Variants in RNF125 observed in about 807,000 individuals in gnomAD.
The protein encoded by RNF125 is ring finger protein 125.
RNF125 carries 21 observed loss-of-function variants against 26.0 expected under a neutral mutation model. That is an observed-to-expected ratio of 0.81 (90% CI 0.57 to 1.16). RNF125 has a LOEUF of 1.16. Ranked by LOEUF, RNF125 falls within the 50% of genes most tolerant of loss-of-function variation. The pLI is 0.00. For synonymous variants in RNF125, 95 were observed against 109.2 expected, an observed-to-expected ratio of 0.87 and a Z score of 0.81; for missense variants, 270 against 299.4, an observed-to-expected ratio of 0.90 and a Z score of 0.72.
At chr18:32,050,819 T>C (rs1196855362) in intron 4 of RNF125, among the ~76,000 whole-genome samples, 2 of 148,422 alleles carry the variant, frequency 1.3e-5, no homozygotes, top group East Asian at 4.0e-4. Context: ...AGGGAAGATG[T>C]TTTAGCAAGA....
At chr18:32,073,817 GAGAAGATTTACCTTCATC>G (rs1294027534), downstream of RNF125, among the ~76,000 whole-genome samples, 1 of 152,212 alleles carries the variant, frequency 6.6e-6, no homozygotes, top group African/African-American at 2.4e-5. Flanking sequence ...CAGATCAGTT[GAGAAGATTTACCTTCATC>G]ATTTAGATTA....
In RNF125 at chr18:32,072,955, G is replaced by C. The variant is rs1427651403; in HGVS notation, c.*4571G>C. 6.6e-6 allele frequency: 1 copy of C among 152,170 alleles called. No homozygotes were observed. The highest frequency in any genetic ancestry group is 2.4e-5 in the African/African-American group (1 of 41,430). The allele number at this position is 152,170 out of a possible 1,614,324, so 9.4% of individuals were successfully genotyped here. The stretch of plus-strand genomic sequence containing the variant: ...TTTCATTACTGTTACTGGGTGCCAA[G>C]TGTCTTTCATTTGGAAGTGAACTTA... On this transcript the variant is annotated 3_prime_UTR_variant, in exon 6 of 6. Coordinates refer to ENST00000217740, the MANE Select transcript of RNF125 (RefSeq NM_017831.4).
At chr18:32,026,133 T>C (rs7226474) in intron 1 of RNF125, among the ~76,000 whole-genome samples, 110,673 of 148,298 alleles carry the variant, frequency 0.75, 41,703 homozygotes, top group African/African-American at 0.85. Context: ...AGCGCAATCT[T>C]GGCTCACTGC....
At position 32,072,553 on chromosome 18, in the gene RNF125, T is replaced by A. The variant is rs1013057499; in HGVS notation, c.*4169T>A. 2 of 152,216 alleles carry A rather than the reference T, an allele frequency of 1.3e-5. No individual in the cohort carries two copies. The highest frequency in any genetic ancestry group is 4.8e-5 in the African/African-American group (2 of 41,468). 9.4% of individuals were successfully genotyped at this position (152,216 alleles called of 1,614,324 possible). A position where few individuals can be genotyped will look rare whatever the true frequency, so the allele number is the denominator to read the frequency against. On this transcript the variant is annotated 3_prime_UTR_variant, in exon 6 of 6. Coordinates refer to ENST00000217740, the MANE Select transcript of RNF125 (RefSeq NM_017831.4). The stretch of plus-strand genomic sequence containing the variant: ...TAATTTTGCCACCTACAGGACAGAT[T>A]AGGTGCTGGTCGCCTGAATTATTTT...
chr18:32,065,249 T>C (rs1020249022), intron 4 of RNF125, among the ~76,000 whole-genome samples: 12 of 152,150 alleles, frequency 7.9e-5, no homozygotes, highest in African/African-American at 2.9e-4. Flanking sequence ...TTTTGTCTTG[T>C]TTTTTGAGAC....
chr18:32,054,507 G>A (rs1344256486), intron 4 of RNF125, among the ~76,000 whole-genome samples: 1 of 152,140 alleles, frequency 6.6e-6, no homozygotes, highest in East Asian at 1.9e-4. Context: ...TTTTCCATAA[G>A]TAATAGTGAT....
chr18:32,086,150 T>G, the RNF125 span, among the ~76,000 whole-genome samples: 2 of 152,088 alleles, frequency 1.3e-5, no homozygotes, highest in South Asian at 2.1e-4. Flanking sequence ...CTTTACATGG[T>G]TTCATCCTGC....
At position 32,046,554 on chromosome 18, in the gene RNF125, G is replaced by A. The variant is rs530645619; in HGVS notation, c.504+822G>A. On this transcript the variant is annotated intron_variant, in intron 4 of 5. Transcript: ENST00000217740. ...GGAGCTTGCAGTGAGCTGAGATCGTGCCACTGCACTCCAGCCTGAGCGACA... is the reference window on the plus strand; with the variant it reads ...GGAGCTTGCAGTGAGCTGAGATCGTACCACTGCACTCCAGCCTGAGCGACA... Among the ~76,000 whole-genome samples, 3 of 141,306 alleles carry A rather than the reference G, an allele frequency of 2.1e-5. No homozygotes were observed. In the East Asian group the frequency reaches 6.2e-4, roughly 29 times the overall value. 92.7% of individuals were successfully genotyped at this position (141,306 alleles called of 152,430 possible). A position where few individuals can be genotyped will look rare whatever the true frequency, so the allele number is the denominator to read the frequency against.
intron 4 of RNF125, among the ~76,000 whole-genome samples, chr18:32,065,136 T>A (rs1396813842): frequency 6.6e-6 from 1 of 152,216 alleles, no homozygotes; most frequent in Non-Finnish European, 1.5e-5. Flanking sequence ...GTTTATGCAA[T>A]TTTATAACAT....
intron 4 of RNF125, among the ~76,000 whole-genome samples, chr18:32,063,403 A>C (rs970509317): frequency 2.0e-5 from 3 of 152,156 alleles, no homozygotes; most frequent in African/African-American, 7.2e-5. Flanking sequence ...TGGCTCAAAT[A>C]AAAAAATTTG....
chr18:32,027,627 C>T (rs2039049679), intron 1 of RNF125, among the ~76,000 whole-genome samples: 1 of 152,100 alleles, frequency 6.6e-6, no homozygotes, highest in Admixed American at 6.6e-5. Context: ...GTTTACCTTT[C>T]TTTGCTGGCT....
At chr18:32,020,062 G>A (rs772518666) in intron 1 of RNF125, among the ~76,000 whole-genome samples, 70 of 151,388 alleles carry the variant, frequency 4.6e-4, no homozygotes, top group Non-Finnish European at 7.2e-4. Flanking sequence ...GACGTAGTCT[G>A]GCTCTGTCGC....
At position 32,049,306 on chromosome 18, in the gene RNF125, GTTCT is replaced by G. The variant is rs367551108; in HGVS notation, c.504+3575_504+3578del. ...CTAGGCTTTAAAGGGGATAGGCTTG[GTTCT>G]AATCCCAGGAAGTCTATTAAATTCT... On this transcript the variant is annotated intron_variant, in intron 4 of 5. Transcript: ENST00000217740. Among the ~76,000 whole-genome samples the G allele has an allele frequency of 2.0e-4, 31 of 152,304 alleles. No individual in the cohort carries two copies. In the South Asian group the frequency reaches 6.2e-3, roughly 31 times the overall value.
the RNF125 span, among the ~76,000 whole-genome samples, chr18:32,080,016 CTA>C: frequency 6.6e-6 from 1 of 152,000 alleles, no homozygotes; most frequent in Non-Finnish European, 1.5e-5. Flanking sequence ...CTTATATCCA[CTA>C]TGTTTTTGTT....
intron 1 of RNF125, among the ~76,000 whole-genome samples, chr18:32,026,061 A>G (rs891543162): frequency 4.3e-5 from 6 of 138,644 alleles, no homozygotes; most frequent in Non-Finnish European, 9.3e-5. Flanking sequence ...CTTTCTTAAA[A>G]AAAACTTTTT....
At chr18:32,034,392 C>T (rs973508544) in intron 1 of RNF125, among the ~76,000 whole-genome samples, 6 of 152,184 alleles carry the variant, frequency 3.9e-5, no homozygotes, top group Non-Finnish European at 7.3e-5. Context: ...GATGCAACAG[C>T]GCATAGGTTA....
At chr18:32,023,137 A>G (rs2039001023) in intron 1 of RNF125, among the ~76,000 whole-genome samples, 1 of 151,946 alleles carries the variant, frequency 6.6e-6, no homozygotes, top group Non-Finnish European at 1.5e-5. Flanking sequence ...GCCTGCCACC[A>G]TGCCTGGCTA....
At chr18:32,027,095 G>A (rs2039044067) in intron 1 of RNF125, among the ~76,000 whole-genome samples, 1 of 152,184 alleles carries the variant, frequency 6.6e-6, no homozygotes, top group African/African-American at 2.4e-5. Flanking sequence ...TTTTTTCCAA[G>A]TATTTCTTTT....
intron 5 of RNF125, among the ~76,000 whole-genome samples, chr18:32,067,660 T>G (rs2039496734): frequency 1.3e-5 from 2 of 152,232 alleles, no homozygotes; most frequent in Non-Finnish European, 2.9e-5. Flanking sequence ...AACCTTGTGT[T>G]CTGCTGTACT....
Sources: gnomAD v4.1 joint callset for allele counts (sites outside exome capture counted in the v4.1 genomes callset) on GRCh38, gnomAD v4.1.1 for gene constraint, MANE v1.5 for transcripts, NCBI Gene and HGNC (gene_info 2026-07-23, HGNC 2026-07-21) for gene names.